The following GRID1 variants were observed in gnomAD, a reference collection of about 807,000 sequenced individuals.
GRID1 encodes glutamate receptor ionotropic, delta-1.
In GRID1, 28 loss-of-function variants were observed where a neutral mutation model predicts 98.0. The observed-to-expected ratio is 0.29, with a 90% CI of 0.21 to 0.39. GRID1 has a LOEUF of 0.39. GRID1 is among the 10% of genes least tolerant of loss of function. The pLI is 1.00. For missense variants in GRID1, 1,111 were observed against 1,340.5 expected (o/e 0.83, Z 2.67); for synonymous variants, 553 against 538.5 (o/e 1.03, Z -0.37).
intron 4 of GRID1, among the ~76,000 whole-genome samples, chr10:85,975,287 T>A (rs1589320453): frequency 6.6e-6 from 1 of 152,348 alleles, no homozygotes; most frequent in African/African-American, 2.4e-5. Context: ...TCGGGACTTT[T>A]TGAAATCCTC....
At chr10:86,052,088 A>G (rs1174690638) in intron 4 of GRID1, among the ~76,000 whole-genome samples, 2 of 152,216 alleles carry the variant, frequency 1.3e-5, no homozygotes, top group African/African-American at 4.8e-5. Flanking sequence ...CATCTACACA[A>G]TAAACTACTG....
In GRID1 at chr10:86,195,935, G is replaced by A. The variant is rs191961064; in HGVS notation, c.520+10429C>T. On this transcript the variant is annotated intron_variant, in intron 3 of 15. Coordinates refer to ENST00000327946, the MANE Select transcript of GRID1 (RefSeq NM_017551.3). This position sits in a 1 kb window ranked among gnomAD's most constrained non-coding sequence, Gnocchi z 4.4. ...CCAGAGCAATGCAACCAGAGAGAAC[G>A]GGCTTCCGTTCTTGAGCATCCTTAC... Among the ~76,000 whole-genome samples the A allele has an allele frequency of 2.6e-3, 397 of 152,184 alleles. 3 individuals are homozygous for A. Among genetic ancestry groups the A allele is most frequent in the African/African-American group, 8.6e-3 (359 of 41,550 alleles).
intron 12 of GRID1, among the ~76,000 whole-genome samples, chr10:85,668,483 C>T (rs1283272881): frequency 6.6e-6 from 1 of 152,190 alleles, no homozygotes; most frequent in Non-Finnish European, 1.5e-5. Context: ...AGAGAAGCCA[C>T]TTCTGAGATG....
chr10:86,223,378 T>C (rs1846288819), intron 2 of GRID1, among the ~76,000 whole-genome samples: 1 of 152,204 alleles, frequency 6.6e-6, no homozygotes. Flanking sequence ...AACAGGAAGC[T>C]GCGGAGCTGT....
In GRID1 at chr10:86,009,552, G is replaced by T. The variant is rs554032787; in HGVS notation, c.727-93313C>A. Among the ~76,000 whole-genome samples, 9 of 152,272 alleles carry T rather than the reference G, an allele frequency of 5.9e-5. No individual in the cohort carries two copies. In the South Asian group the frequency reaches 1.9e-3, roughly 32 times the overall value. On this transcript the variant is annotated intron_variant, in intron 4 of 15. Coordinates refer to ENST00000327946, the MANE Select transcript of GRID1 (RefSeq NM_017551.3). ...CCACGCTGTTGAAGATGGATAATCG[G>T]GAGTTTATTGGACAAATGAAACAGC...
intron 2 of GRID1, among the ~76,000 whole-genome samples, chr10:86,303,521 C>T (rs1164609798): frequency 1.3e-5 from 2 of 152,176 alleles, no homozygotes; most frequent in Non-Finnish European, 2.9e-5. Context: ...CTCTCTCGAG[C>T]ACTCACTATC....
chr10:85,949,905 G>GGGAT (rs35077466), intron 4 of GRID1, among the ~76,000 whole-genome samples: 34,074 of 149,754 alleles, frequency 0.23, 3,907 homozygotes, highest in Middle Eastern at 0.27. Flanking sequence ...GAGAACTATA[G>GGGAT]GGATGGATGG....
chr10:85,698,886 T>C (rs1320610529), intron 12 of GRID1, among the ~76,000 whole-genome samples: 1 of 152,236 alleles, frequency 6.6e-6, no homozygotes, highest in Non-Finnish European at 1.5e-5. Context: ...TAATTTGCAT[T>C]CCCTAATGAC....
At chr10:85,626,941 G>A (rs1297454688) in intron 13 of GRID1, among the ~76,000 whole-genome samples, 4 of 152,126 alleles carry the variant, frequency 2.6e-5, no homozygotes, top group Admixed American at 6.6e-5. Flanking sequence ...CTACCCGTGG[G>A]ATTTATCCTA....
chr10:86,246,648 G>A (rs551324276), intron 2 of GRID1, among the ~76,000 whole-genome samples: 22 of 151,640 alleles, frequency 1.5e-4, no homozygotes, highest in Admixed American at 4.6e-4. Flanking sequence ...ACCCTCCACC[G>A]CCCAGAACCC....
At chr10:85,875,343 G>C (rs1320399638) in intron 5 of GRID1, among the ~76,000 whole-genome samples, 2 of 152,000 alleles carry the variant, frequency 1.3e-5, no homozygotes, top group African/African-American at 4.8e-5. Context: ...GTTAGCATCT[G>C]CCTGCTCTAA....
At position 85,647,186 on chromosome 10, in the gene GRID1, G is replaced by T; in HGVS notation, c.2193+16C>A. The T allele has an allele frequency of 2.5e-6, 4 of 1,610,282 alleles. No individual in the cohort carries two copies. Among genetic ancestry groups the T allele is most frequent in the Non-Finnish European group, 3.4e-6 (4 of 1,176,684 alleles). On this transcript the variant is annotated intron_variant, in intron 13 of 15. Coordinates refer to ENST00000327946, the MANE Select transcript of GRID1 (RefSeq NM_017551.3). ...CCTGTTACAGTGCACGTGCCCAAGC[G>T]CCAGCTCCTGCCTACCTTCCTGATG...
chr10:85,786,355 G>T (rs1372612089), intron 8 of GRID1, among the ~76,000 whole-genome samples: 2 of 152,224 alleles, frequency 1.3e-5, no homozygotes, highest in African/African-American at 4.8e-5. Flanking sequence ...AGGGTTTGTA[G>T]CAGCTGCCAT....
chr10:85,646,913 G>A (rs973860256), intron 13 of GRID1: 27 of 446,326 alleles, frequency 6.0e-5, no homozygotes. Flanking sequence ...GGGTGGACAG[G>A]CCTCTCTGTG....
At chr10:85,764,146 G>A (rs866261545) in intron 8 of GRID1, among the ~76,000 whole-genome samples, 3 of 152,178 alleles carry the variant, frequency 2.0e-5, no homozygotes, top group African/African-American at 7.2e-5. Flanking sequence ...AAGAGTGACA[G>A]GAGGTGACCA....
chr10:86,294,799 A>G (rs189289891), intron 2 of GRID1, among the ~76,000 whole-genome samples: 26 of 152,318 alleles, frequency 1.7e-4, no homozygotes, highest in Admixed American at 5.2e-4. Context: ...AGTCATCAAG[A>G]AAAGGAGTAC....
At chr10:86,340,086 A>C (rs1354712804) in intron 2 of GRID1, among the ~76,000 whole-genome samples, 1 of 151,854 alleles carries the variant, frequency 6.6e-6, no homozygotes, top group African/African-American at 2.4e-5. Flanking sequence ...TGAGCCTCAC[A>C]GATGAGGGAG....
chr10:86,229,050 G>A (rs980582180), intron 2 of GRID1, among the ~76,000 whole-genome samples: 3 of 152,120 alleles, frequency 2.0e-5, no homozygotes, highest in Non-Finnish European at 2.9e-5. Context: ...GTGGGGCTCC[G>A]TGCCCTCCGA....
chr10:85,985,376 G>A (rs1018110664), intron 4 of GRID1, among the ~76,000 whole-genome samples: 1 of 152,216 alleles, frequency 6.6e-6, no homozygotes, highest in South Asian at 2.1e-4. Flanking sequence ...TCAACACTAA[G>A]TGGCTGCCCA....
Sources: gnomAD v4.1 joint callset for allele counts (sites outside exome capture counted in the v4.1 genomes callset) on GRCh38, gnomAD v4.1.1 for gene constraint, Gnocchi (gnomAD v3.1) non-coding constraint, MANE v1.5 for transcripts, NCBI Gene and HGNC (gene_info 2026-07-23, HGNC 2026-07-21) for gene names.